PTPRD: variants seen among roughly 807,000 people sequenced by gnomAD.
PTPRD encodes receptor-type tyrosine-protein phosphatase delta.
PTPRD carries 34 observed loss-of-function variants against 214.5 expected under a neutral mutation model. That is an observed-to-expected ratio of 0.16 (90% CI 0.12 to 0.21). The LOEUF is 0.21. Among genes scored for constraint, PTPRD ranks in the 10% least tolerant of loss-of-function variants. The pLI is 1.00. For synonymous variants in PTPRD, 1,128 were observed against 845.7 expected (o/e 1.33, Z -5.79); for missense variants, 2,545 against 2,398.7 (o/e 1.06, Z -1.27).
chr9:9,428,441 C>T (rs891298063), intron 8 of PTPRD, among the ~76,000 whole-genome samples: 4 of 152,264 alleles, frequency 2.6e-5, no homozygotes, highest in East Asian at 1.9e-4. Context: ...TAGACTCCCA[C>T]ACAATAATAA....
intron 14 of PTPRD, among the ~76,000 whole-genome samples, chr9:8,603,754 T>G (rs927669338): frequency 6.6e-6 from 1 of 152,174 alleles, no homozygotes; most frequent in African/African-American, 2.4e-5. Flanking sequence ...AATAATAAAG[T>G]ATTAATTAGA....
chr9:8,921,948 T>C (rs2098830857), intron 11 of PTPRD, among the ~76,000 whole-genome samples: 1 of 151,958 alleles, frequency 6.6e-6, no homozygotes, highest in Non-Finnish European at 1.5e-5. Context: ...GGAGGCAAAA[T>C]AAAAACAATA....
intron 11 of PTPRD, chr9:8,860,668 T>C (rs1033568888): frequency 6.6e-5 from 10 of 152,188 alleles, no homozygotes; most frequent in East Asian, 1.9e-4. Context: ...CAAAAGAGTG[T>C]CCTAATGCTG....
At position 10,406,454 on chromosome 9, in the gene PTPRD, A is replaced by G. The variant is rs114412514; in HGVS notation, c.-599-65437T>C. On this transcript the variant is annotated intron_variant, in intron 2 of 45. Transcript: ENST00000381196. The stretch of plus-strand genomic sequence containing the variant: ...TTCATTTGCGTAAAGAAAAAAGTGA[A>G]CTGTGTGTACCCTATCAAAAATCTT... Among the ~76,000 whole-genome samples, 589 of 151,688 alleles carry G rather than the reference A, an allele frequency of 3.9e-3. 3 individuals are homozygous for G. The highest frequency in any genetic ancestry group is 0.013 in the African/African-American group (543 of 41,494).
chr9:8,437,380 T>C (rs945061032), intron 34 of PTPRD: 24 of 622,088 alleles, frequency 3.9e-5, no homozygotes, highest in East Asian at 8.5e-5. Context: ...ACATTGTGGC[T>C]AGTACAATGT....
At chr9:9,369,177 T>A (rs948812778) in intron 9 of PTPRD, among the ~76,000 whole-genome samples, 8 of 152,026 alleles carry the variant, frequency 5.3e-5, no homozygotes, top group African/African-American at 1.9e-4. Context: ...GACATTTGAG[T>A]TGGTTCCAAG....
chr9:8,776,859 TTA>T (rs2095499466), intron 11 of PTPRD, among the ~76,000 whole-genome samples: 2 of 147,432 alleles, frequency 1.4e-5, no homozygotes, highest in Admixed American at 1.4e-4. Flanking sequence ...TATAAAAATA[TTA>T]TATAATACAT....
intron 11 of PTPRD, among the ~76,000 whole-genome samples, chr9:8,980,486 G>A (rs116313715): frequency 6.6e-6 from 1 of 151,912 alleles, no homozygotes; most frequent in Non-Finnish European, 1.5e-5. Context: ...ATAATGTATT[G>A]CAAACCTTAA....
chr9:8,960,694 G>C (rs2099154208), intron 11 of PTPRD, among the ~76,000 whole-genome samples: 1 of 152,122 alleles, frequency 6.6e-6, no homozygotes, highest in African/African-American at 2.4e-5. Context: ...ATAGACTCTG[G>C]CTGAAGCCAG....
At chr9:8,570,221 G>A (rs1426273931) in intron 14 of PTPRD, among the ~76,000 whole-genome samples, 1 of 151,966 alleles carries the variant, frequency 6.6e-6, no homozygotes, top group East Asian at 1.9e-4. Flanking sequence ...ATTATTAACA[G>A]TAATGGTCAT....
At chr9:8,414,930 G>GAGA (rs2093802531) in intron 35 of PTPRD, among the ~76,000 whole-genome samples, 53 of 49,262 alleles carry the variant, frequency 1.1e-3, no homozygotes, top group African/African-American at 3.8e-3. Flanking sequence ...AGAGGGAGGG[G>GAGA]GAGAGAGAGA....
chr9:10,113,208 G>A (rs1162433785), intron 3 of PTPRD, among the ~76,000 whole-genome samples: 1 of 152,132 alleles, frequency 6.6e-6, no homozygotes, highest in African/African-American at 2.4e-5. Flanking sequence ...AACTAAACAG[G>A]AACTGTTTCC....
chr9:9,909,015 T>C (rs1393012113), intron 5 of PTPRD, among the ~76,000 whole-genome samples: 1 of 151,972 alleles, frequency 6.6e-6, no homozygotes, highest in Non-Finnish European at 1.5e-5. Flanking sequence ...CATCATATTC[T>C]ATCAATATCA....
chr9:8,761,183 G>C (rs1425297388), intron 11 of PTPRD, among the ~76,000 whole-genome samples: 1 of 152,092 alleles, frequency 6.6e-6, no homozygotes, highest in Non-Finnish European at 1.5e-5. Flanking sequence ...TTTACAAATA[G>C]AGGCAAATGT....
chr9:8,386,916 C>T (rs898647875), intron 37 of PTPRD, among the ~76,000 whole-genome samples: 1 of 152,140 alleles, frequency 6.6e-6, no homozygotes, highest in Non-Finnish European at 1.5e-5. Context: ...TGTTAAATCT[C>T]TCCAGGACAT....
At position 8,837,111 on chromosome 9, in the gene PTPRD, C is replaced by T. The variant is rs149250222; in HGVS notation, c.-103-103165G>A. On this transcript the variant is annotated intron_variant, in intron 11 of 45. Transcript: ENST00000381196. ...TACGATCTCCGCTCACTCCAACCTC[C>T]GCCTTCCAGGTTCAAGTGATTCTCC... Among the ~76,000 whole-genome samples, 438 of 150,488 alleles carry T rather than the reference C, an allele frequency of 2.9e-3. 1 individual carries two copies. The highest frequency in any genetic ancestry group is 0.01 in the African/African-American group (424 of 40,882).
chr9:10,560,350 T>A (rs909036635), intron 2 of PTPRD, among the ~76,000 whole-genome samples: 6 of 151,676 alleles, frequency 4.0e-5, no homozygotes, highest in Admixed American at 2.0e-4. Flanking sequence ...AAGGTGGGAA[T>A]TGAACAATGA....
intron 6 of PTPRD, among the ~76,000 whole-genome samples, chr9:9,761,314 A>T (rs1256349819): frequency 6.6e-6 from 1 of 152,214 alleles, no homozygotes; most frequent in African/African-American, 2.4e-5. Context: ...TTTATATATC[A>T]TGTTTAAAAT....
chr9:9,911,494 C>CAAAA (rs2079175250), intron 5 of PTPRD, among the ~76,000 whole-genome samples: 1 of 103,986 alleles, frequency 9.6e-6, no homozygotes, highest in Non-Finnish European at 2.0e-5. Context: ...GGGTTTGTTA[C>CAAAA]CCCAACTAAA....
Sources: allele counts gnomAD v4.1 joint callset (sites outside exome capture counted in the v4.1 genomes callset), GRCh38; gene constraint gnomAD v4.1.1; transcripts MANE v1.5; gene names NCBI Gene and HGNC (gene_info 2026-07-23, HGNC 2026-07-21).